Variants in BCKDHB observed in about 807,000 individuals in gnomAD.
BCKDHB encodes 2-oxoisovalerate dehydrogenase subunit beta, mitochondrial.
In BCKDHB, 41 loss-of-function variants were observed where a neutral mutation model predicts 48.5. The ratio of observed to expected loss-of-function variants is 0.85; its 90% confidence interval spans 0.66 to 1.10. The LOEUF (loss-of-function observed/expected upper bound fraction) is 1.10. Ranked by LOEUF, BCKDHB falls within the 50% of genes least tolerant of loss-of-function variation. BCKDHB has a pLI of 0.00. For missense variants in BCKDHB, 496 were observed against 494.2 expected (o/e 1.00, Z -0.03); for synonymous variants, 201 against 174.8 (o/e 1.15, Z -1.18).
At chr6:80,249,572 G>T (rs1255494222) in intron 8 of BCKDHB, among the ~76,000 whole-genome samples, 1 of 152,136 alleles carries the variant, frequency 6.6e-6, no homozygotes. Flanking sequence ...CTGTAGTTAT[G>T]ACTCAGTCAT....
the BCKDHB span, among the ~76,000 whole-genome samples, chr6:80,399,255 C>T: frequency 7.9e-3 from 1,175 of 148,312 alleles, 12 homozygotes; most frequent in African/African-American, 0.03. Flanking sequence ...CTGACCAGAG[C>T]AATCAGGCAA....
intron 8 of BCKDHB, among the ~76,000 whole-genome samples, chr6:80,235,202 G>C (rs1305085687): frequency 2.0e-5 from 3 of 152,178 alleles, no homozygotes; most frequent in Admixed American, 1.3e-4. Context: ...TGAGATGATA[G>C]ATGTCCCAGT....
the BCKDHB span, among the ~76,000 whole-genome samples, chr6:80,442,534 A>G: frequency 2.6e-5 from 4 of 152,196 alleles, no homozygotes. Flanking sequence ...TCTGACTAGT[A>G]TTTAAGCTTA....
chr6:80,135,624 T>TA (rs1770847818), intron 3 of BCKDHB, among the ~76,000 whole-genome samples: 1 of 151,970 alleles, frequency 6.6e-6, no homozygotes, highest in Non-Finnish European at 1.5e-5. Context: ...TGCCTTTTTT[T>TA]CCCCACAGTG....
chr6:80,414,694 T>A, the BCKDHB span, among the ~76,000 whole-genome samples: 1 of 152,072 alleles, frequency 6.6e-6, no homozygotes, highest in East Asian at 1.9e-4. Flanking sequence ...GTAACTTGAT[T>A]TCCAGCCGTG....
rs181325327 is a variant in BCKDHB, at chr6:80,309,555, G to A, written c.1039-34109G>A. Among the ~76,000 whole-genome samples, 28 of 152,106 alleles carry A rather than the reference G, an allele frequency of 1.8e-4. No homozygotes were observed. The East Asian group carries it at 5.0e-3, about 27-fold the overall frequency. On this transcript the variant is annotated intron_variant, in intron 9 of 9. Coordinates refer to ENST00000320393, the MANE Select transcript of BCKDHB (RefSeq NM_183050.4). Reference sequence around the variant, plus strand: ...CTTTGTTATTTTAACAAAAGAGTAAGTATTCATGTATTTTGGCCTGTGGTT... The same window carrying A: ...CTTTGTTATTTTAACAAAAGAGTAAATATTCATGTATTTTGGCCTGTGGTT...
chr6:80,334,235 C>T (rs1231772168), intron 9 of BCKDHB, among the ~76,000 whole-genome samples: 1 of 152,004 alleles, frequency 6.6e-6, no homozygotes, highest in Non-Finnish European at 1.5e-5. Flanking sequence ...CCATTGGATA[C>T]AAACAATAAT....
the BCKDHB span, among the ~76,000 whole-genome samples, chr6:80,370,776 C>T: frequency 1.1e-4 from 5 of 44,552 alleles, no homozygotes; most frequent in Middle Eastern, 0.012. Context: ...GTATATATAG[C>T]GTGTGTGTGT....
intron 9 of BCKDHB, among the ~76,000 whole-genome samples, chr6:80,297,197 A>AGG (rs1767301467): frequency 1.3e-5 from 2 of 152,322 alleles, no homozygotes; most frequent in East Asian, 3.9e-4. Context: ...ACAGTTTTCC[A>AGG]AAGTCAAAGA....
At chr6:80,452,393 CAG>C in the BCKDHB span, among the ~76,000 whole-genome samples, 3 of 152,056 alleles carry the variant, frequency 2.0e-5, no homozygotes, top group African/African-American at 7.2e-5. Context: ...ACCTTCATAA[CAG>C]AAATGGAGAC....
intron 9 of BCKDHB, chr6:80,308,132 AG>A (rs1299313450): frequency 1.8e-5 from 3 of 168,192 alleles, no homozygotes; most frequent in African/African-American, 7.2e-5. Flanking sequence ...AGGTCCACTA[AG>A]CAGTGGCTAT....
the BCKDHB span, among the ~76,000 whole-genome samples, chr6:80,369,047 T>G: frequency 1.3e-5 from 2 of 151,704 alleles, no homozygotes; most frequent in East Asian, 3.9e-4. Context: ...GAAAAAAAAT[T>G]CCATCGGTGG....
At chr6:80,453,218 C>G in the BCKDHB span, 1 of 152,150 alleles carries the variant, frequency 6.6e-6, no homozygotes, top group African/African-American at 2.4e-5. Context: ...AAATTTCCGG[C>G]CAATGAAATG....
At chr6:80,321,261 T>G (rs1461134411) in intron 9 of BCKDHB, among the ~76,000 whole-genome samples, 1 of 152,206 alleles carries the variant, frequency 6.6e-6, no homozygotes, top group African/African-American at 2.4e-5. Context: ...GTACACATTT[T>G]CCATCCTTAA....
rs142633542 is a variant in BCKDHB at position 80,252,495 on chromosome 6, C to T, written c.952-20640C>T. 1.7e-3 allele frequency among the ~76,000 whole-genome samples: 254 copies of T among 152,190 alleles called. 1 individual carries two copies. Among genetic ancestry groups the T allele is most frequent in the African/African-American group, 4.2e-3 (176 of 41,530 alleles). ...ACCACATTTTGTCAAGGTTATTGGT[C>T]ATAAGTTATTTTAATAGCTTTTCCA... On this transcript the variant is annotated intron_variant, in intron 8 of 9. Coordinates refer to ENST00000320393, the MANE Select transcript of BCKDHB (RefSeq NM_183050.4).
At chr6:80,219,465 C>T (rs890873371) in intron 8 of BCKDHB, among the ~76,000 whole-genome samples, 1 of 152,152 alleles carries the variant, frequency 6.6e-6, no homozygotes, top group African/African-American at 2.4e-5. Context: ...CCTCGGCCTC[C>T]CAAAGTGCTG....
intron 8 of BCKDHB, among the ~76,000 whole-genome samples, chr6:80,221,406 C>T (rs1468446638): frequency 6.6e-6 from 1 of 152,166 alleles, no homozygotes; most frequent in Non-Finnish European, 1.5e-5. Context: ...AGCGTATACT[C>T]AGTCTGTCAT....
At chr6:80,155,566 A>T (rs796832885) in intron 3 of BCKDHB, among the ~76,000 whole-genome samples, 1 of 152,076 alleles carries the variant, frequency 6.6e-6, no homozygotes, top group Non-Finnish European at 1.5e-5. Flanking sequence ...GGATTTTGTC[A>T]TTTTGTAATT....
At chr6:80,248,429 T>C (rs1032411525) in intron 8 of BCKDHB, among the ~76,000 whole-genome samples, 3 of 152,224 alleles carry the variant, frequency 2.0e-5, no homozygotes, top group African/African-American at 7.2e-5. Flanking sequence ...GGGTTTATTT[T>C]TATCATTTAT....
Sources: allele counts gnomAD v4.1 joint callset (sites outside exome capture counted in the v4.1 genomes callset), GRCh38; gene constraint gnomAD v4.1.1; transcripts MANE v1.5; gene names NCBI Gene and HGNC (gene_info 2026-07-23, HGNC 2026-07-21).